Variants in XIRP2 observed in about 807,000 individuals in gnomAD.
The protein encoded by XIRP2 is xin actin binding repeat containing 2, also known as xin actin-binding repeat-containing protein 2.
A neutral mutation model predicts 277.0 loss-of-function variants in XIRP2; 236 were observed. The ratio of observed to expected loss-of-function variants is 0.85; its 90% confidence interval spans 0.77 to 0.95. XIRP2 has a LOEUF of 0.95. Among genes scored for constraint, XIRP2 ranks in the 40% least tolerant of loss-of-function variants. XIRP2 has a pLI of 0.00. For synonymous variants in XIRP2, 1,490 were observed against 1,416.5 expected (o/e 1.05, Z -1.17); for missense variants, 4,640 against 4,157.5 (o/e 1.12, Z -3.19).
chr2:167,034,637 A>T (rs1471748630), intron 2 of XIRP2, among the ~76,000 whole-genome samples: 1 of 152,216 alleles, frequency 6.6e-6, no homozygotes, highest in African/African-American at 2.4e-5. Flanking sequence ...GAGCAGGAGC[A>T]GCTATACTTA....
chr2:167,085,186 TC>T (rs1473037503), intron 2 of XIRP2, among the ~76,000 whole-genome samples: 20 of 151,258 alleles, frequency 1.3e-4, no homozygotes, highest in South Asian at 4.2e-4. Context: ...ATTTCTGCCT[TC>T]ATTTCGTTAT....
chr2:167,056,109 A>C lies in XIRP2; in HGVS notation c.409-79800A>C, dbSNP rs188624822. On this transcript the variant is annotated intron_variant, in intron 2 of 10. Coordinates refer to ENST00000409195, the MANE Select transcript of XIRP2 (RefSeq NM_152381.6). Reference sequence around the variant, plus strand: ...TAAAAAGTAGACCAGTTCCTCTTACAGCACAAACATTACCTGGAATAGAAA... The same window carrying C: ...TAAAAAGTAGACCAGTTCCTCTTACCGCACAAACATTACCTGGAATAGAAA... Among the ~76,000 whole-genome samples, 20 of 152,290 alleles carry C rather than the reference A, an allele frequency of 1.3e-4. No homozygotes were observed. In the East Asian group the frequency reaches 3.7e-3, roughly 28 times the overall value.
chr2:167,125,307 G>A (rs1250993719), intron 2 of XIRP2, among the ~76,000 whole-genome samples: 1 of 152,146 alleles, frequency 6.6e-6, no homozygotes, highest in Non-Finnish European at 1.5e-5. Flanking sequence ...GAGAAGAATA[G>A]GATACGTAGC....
chr2:167,104,014 G>T (rs562114944), intron 2 of XIRP2, among the ~76,000 whole-genome samples: 3 of 152,136 alleles, frequency 2.0e-5, no homozygotes, highest in East Asian at 3.9e-4. Context: ...TATTGCTAAG[G>T]CTTCTTTAGA....
intron 3 of XIRP2, among the ~76,000 whole-genome samples, chr2:167,201,644 C>G (rs1693725340): frequency 6.6e-6 from 1 of 152,136 alleles, no homozygotes; most frequent in Non-Finnish European, 1.5e-5. Context: ...GCTTTGATTT[C>G]TAATTCTAAA....
chr2:166,957,253 T>G (rs542871955), intron 2 of XIRP2, among the ~76,000 whole-genome samples: 14 of 151,820 alleles, frequency 9.2e-5, no homozygotes, highest in African/African-American at 3.4e-4. Flanking sequence ...AAAATTAAAT[T>G]GTACAAGGGA....
intron 2 of XIRP2, among the ~76,000 whole-genome samples, chr2:167,077,618 G>A (rs188933915): frequency 3.9e-4 from 60 of 152,324 alleles, no homozygotes; most frequent in African/African-American, 1.3e-3. Flanking sequence ...AAACATCTGA[G>A]TAAAGAGCTG....
chr2:167,081,690 A>AAT (rs1246932023), intron 2 of XIRP2, among the ~76,000 whole-genome samples: 3 of 152,200 alleles, frequency 2.0e-5, no homozygotes, highest in Non-Finnish European at 4.4e-5. Context: ...AAAGTATTTA[A>AAT]ATATAGATCC....
intron 2 of XIRP2, among the ~76,000 whole-genome samples, chr2:167,024,396 C>T (rs575605564): frequency 6.6e-6 from 1 of 152,136 alleles, no homozygotes; most frequent in African/African-American, 2.4e-5. Flanking sequence ...ATGTCATCTG[C>T]AAACAGGGAC....
intron 3 of XIRP2, among the ~76,000 whole-genome samples, chr2:167,170,422 G>C (rs1692653527): frequency 6.6e-6 from 1 of 152,064 alleles, no homozygotes; most frequent in South Asian, 2.1e-4. Context: ...TACCAATGAA[G>C]TCATATACAC....
chr2:167,062,852 A>G (rs1419845715), intron 2 of XIRP2, among the ~76,000 whole-genome samples: 2 of 152,008 alleles, frequency 1.3e-5, no homozygotes, highest in Non-Finnish European at 2.9e-5. Context: ...CAGTCTGACC[A>G]GAAGTGTAGT....
intron 3 of XIRP2, among the ~76,000 whole-genome samples, chr2:167,158,033 T>C (rs907380608): frequency 9.2e-5 from 14 of 152,192 alleles, no homozygotes; most frequent in Non-Finnish European, 1.9e-4. Context: ...AACAGTGTTC[T>C]AGTTGTGCCG....
intron 2 of XIRP2, among the ~76,000 whole-genome samples, chr2:166,940,394 T>TC (rs1375665369): frequency 1.3e-5 from 2 of 152,246 alleles, no homozygotes; most frequent in Non-Finnish European, 1.5e-5. Flanking sequence ...GGTTTGAACT[T>TC]CCTCCTTTAG....
chr2:167,169,552 T>C (rs1450374996), intron 3 of XIRP2, among the ~76,000 whole-genome samples: 1 of 152,238 alleles, frequency 6.6e-6, no homozygotes, highest in Non-Finnish European at 1.5e-5. Context: ...ACTTTTCTGA[T>C]AGATCTAAGA....
chr2:167,110,915 TTTC>T (rs1355004398), intron 2 of XIRP2, among the ~76,000 whole-genome samples: 2 of 152,160 alleles, frequency 1.3e-5, no homozygotes, highest in East Asian at 1.9e-4. Context: ...TCCTCAGTAT[TTTC>T]TTCTTCTTGT....
At chr2:167,240,562 A>G in intron 6 of XIRP2, 102 bp from the exon 7 acceptor site, 1 of 964,364 alleles carries the variant, frequency 1.0e-6, no homozygotes, top group Non-Finnish European at 1.6e-6. Context: ...TGTACACTAA[A>G]GTCTTGGGTG....
chr2:167,011,866 G>T (rs1285432167), intron 2 of XIRP2, among the ~76,000 whole-genome samples: 1 of 152,086 alleles, frequency 6.6e-6, no homozygotes, highest in Non-Finnish European at 1.5e-5. Flanking sequence ...GCGAAGAGGT[G>T]TTTGTAGTAT....
At chr2:166,939,867 C>G (rs930562364) in intron 2 of XIRP2, among the ~76,000 whole-genome samples, 2 of 152,086 alleles carry the variant, frequency 1.3e-5, no homozygotes, top group African/African-American at 4.8e-5. Context: ...TTTCTCTCTG[C>G]CTGCCCTTCA....
At chr2:167,014,797 C>T (rs922638981) in intron 2 of XIRP2, among the ~76,000 whole-genome samples, 3 of 151,698 alleles carry the variant, frequency 2.0e-5, no homozygotes, top group African/African-American at 7.3e-5. Context: ...ATGTTAAGTT[C>T]TATTTTACAG....
Sources: allele counts gnomAD v4.1 joint callset (sites outside exome capture counted in the v4.1 genomes callset), GRCh38; gene constraint gnomAD v4.1.1; transcripts MANE v1.5; gene names NCBI Gene and HGNC (gene_info 2026-07-23, HGNC 2026-07-21).